The following APOLD1 variants were observed in gnomAD, a reference collection of about 807,000 sequenced individuals.
The protein encoded by APOLD1 is apolipoprotein L domain-containing protein 1.
A neutral mutation model predicts 15.3 loss-of-function variants in APOLD1; 22 were observed. The observed-to-expected ratio is 1.44, with a 90% CI of 1.03 to 2.05. The LOEUF is 2.05. APOLD1 is among the 30% of genes most tolerant of loss of function. APOLD1 has a pLI of 0.00. For synonymous variants in APOLD1, 190 were observed against 167.4 expected (o/e 1.13, Z -1.04); for missense variants, 394 against 353.5 (o/e 1.11, Z -0.92).
intron 1 of APOLD1, among the ~76,000 whole-genome samples, chr12:12,733,577 A>T (rs1946660183): frequency 6.6e-6 from 1 of 152,214 alleles, no homozygotes; most frequent in African/African-American, 2.4e-5. Context: ...GATTTTAACA[A>T]GGAAAAAACC....
intron 1 of APOLD1, among the ~76,000 whole-genome samples, chr12:12,743,131 C>A (rs1335842355): frequency 1.3e-5 from 2 of 152,174 alleles, no homozygotes; most frequent in Non-Finnish European, 2.9e-5. Flanking sequence ...AAGGGGAGAC[C>A]CAGCTTACTT....
chr12:12,731,270 C>T (rs1946639759), intron 1 of APOLD1, among the ~76,000 whole-genome samples: 1 of 152,218 alleles, frequency 6.6e-6, no homozygotes, highest in South Asian at 2.1e-4. Context: ...TTTTTAATTA[C>T]TGCTGATACT....
In APOLD1 at chr12:12,747,862, G is replaced by A. The variant is rs77154413; in HGVS notation, c.96+21766G>A. Among the ~76,000 whole-genome samples, 1,033 of 152,332 alleles carry A rather than the reference G, an allele frequency of 6.8e-3. 6 individuals are homozygous for A. Among genetic ancestry groups the A allele is most frequent in the Middle Eastern group, 0.031 (9 of 294 alleles). ...GGAGTGGTGAGGGATTGGCCTTGGC[G>A]CTGGGTCTTGTTCTTGGTATGTGTG... On this transcript the variant is annotated intron_variant, in intron 1 of 1. Coordinates refer to the APOLD1 transcript ENST00000326765.
chr12:12,742,923 C>T (rs978676522), intron 1 of APOLD1, among the ~76,000 whole-genome samples: 3 of 152,132 alleles, frequency 2.0e-5, no homozygotes, highest in African/African-American at 7.3e-5. Context: ...TGACACCACC[C>T]TGGCTAATTT....
At chr12:12,733,608 T>C (rs185278404) in intron 1 of APOLD1, among the ~76,000 whole-genome samples, 1 of 152,336 alleles carries the variant, frequency 6.6e-6, no homozygotes, top group East Asian at 1.9e-4. Context: ...TTCAATTTTT[T>C]TTCTTTTTTT....
At chr12:12,774,041 T>C (rs1319700133) in intron 1 of APOLD1, among the ~76,000 whole-genome samples, 1 of 152,148 alleles carries the variant, frequency 6.6e-6, no homozygotes, top group East Asian at 1.9e-4. Context: ...GTGATTACTT[T>C]TCAGATACAA....
chr12:12,728,870 G>C (rs1254817539), intron 1 of APOLD1, among the ~76,000 whole-genome samples: 2 of 151,992 alleles, frequency 1.3e-5, no homozygotes, highest in Non-Finnish European at 2.9e-5. Flanking sequence ...TCTAAGATTG[G>C]GTCTCTAGCA....
intron 1 of APOLD1, among the ~76,000 whole-genome samples, chr12:12,746,394 G>T (rs1366568400): frequency 6.6e-6 from 1 of 152,176 alleles, no homozygotes; most frequent in African/African-American, 2.4e-5. Context: ...TACTCAGGAG[G>T]CTGAGGCAGG....
intron 1 of APOLD1, among the ~76,000 whole-genome samples, chr12:12,731,733 T>A (rs1946642965): frequency 1.3e-5 from 2 of 152,230 alleles, no homozygotes; most frequent in African/African-American, 4.8e-5. Context: ...ATAGGGAAAT[T>A]GAGGCACTCA....
chr12:12,778,160 G>A (rs192662438), intron 1 of APOLD1, among the ~76,000 whole-genome samples: 64 of 151,864 alleles, frequency 4.2e-4, no homozygotes, highest in Middle Eastern at 3.4e-3. Context: ...CTTAAACTGA[G>A]CTCAAGCAGT....
chr12:12,748,959 T>C (rs886810813), intron 1 of APOLD1, among the ~76,000 whole-genome samples: 6 of 152,324 alleles, frequency 3.9e-5, no homozygotes, highest in Non-Finnish European at 5.9e-5. Context: ...CAGGAGAAAG[T>C]ACTCAGAGGG....
At chr12:12,776,195 A>G (rs1384339532) in intron 1 of APOLD1, among the ~76,000 whole-genome samples, 2 of 152,182 alleles carry the variant, frequency 1.3e-5, no homozygotes, top group African/African-American at 4.8e-5. Context: ...GAAAACAAGT[A>G]TCCAACATTC....
In APOLD1 at chr12:12,787,627, A is replaced by T. The variant is rs768943467; in HGVS notation, c.722A>T (p.Asp241Val). 2 of 1,604,440 alleles carry T rather than the reference A, an allele frequency of 1.2e-6. No homozygotes were observed. The highest frequency in any genetic ancestry group is 1.7e-6 in the Non-Finnish European group (2 of 1,177,990). ...GGCCACGACCTCAAGATCTCTGCTG[A>T]CCAGCGTGCAGGGCTGTTTTTCTGA... ...SRGHDLKISA[D>V]QRAGLFF The change falls in exon 2 of 2, where the codon GAC becomes GTC. Residue 241 changes from aspartate (D) to valine (V), a missense_variant. Coordinates refer to ENST00000356591, the MANE Select transcript of APOLD1 (RefSeq NM_030817.3). The surrounding 1 kb of genome is among the most constrained non-coding windows in gnomAD (Gnocchi z 4.9).
chr12:12,726,156 CAAA>C (rs745785485), intron 1 of APOLD1: 2,733 of 112,252 alleles, frequency 0.024, no homozygotes, highest in Middle Eastern at 0.056. Context: ...TCTTCGCAAC[CAAA>C]AAAAAAAAAA....
chr12:12,758,467 C>T (rs1946875046), intron 1 of APOLD1, among the ~76,000 whole-genome samples: 2 of 151,988 alleles, frequency 1.3e-5, no homozygotes, highest in Admixed American at 1.3e-4. Flanking sequence ...ATCGCTTGAA[C>T]CTGGGAGGCG....
chr12:12,763,409 A>G (rs563112232), intron 1 of APOLD1, among the ~76,000 whole-genome samples: 1 of 152,198 alleles, frequency 6.6e-6, no homozygotes, highest in East Asian at 1.9e-4. Context: ...AAAGTGTAGT[A>G]TTTGTGTATA....
intron 1 of APOLD1, among the ~76,000 whole-genome samples, chr12:12,759,257 T>C (rs750042319): frequency 2.6e-5 from 4 of 151,028 alleles, no homozygotes; most frequent in East Asian, 3.9e-4. Context: ...GCTATAGTTG[T>C]TTTTTTTAAA....
Position 12,787,082 on chromosome 12 carries a change from C to T in APOLD1, c.177C>T (p.Gly59=), listed in dbSNP as rs952699998. Residue 59 remains glycine, a synonymous_variant, in exon 2 of 2, where the codon GGC becomes GGT. Transcript: ENST00000356591. The surrounding 1 kb of genome is among the most constrained non-coding windows in gnomAD (Gnocchi z 4.9). ...RRRSLVANVA[G]SSLSATGALA... Reference sequence around the variant, plus strand: ...GCTCCCTCGTAGCCAACGTGGCCGGCAGCTCGCTGAGCGCAACGGGCGCCC... The same window carrying T: ...GCTCCCTCGTAGCCAACGTGGCCGGTAGCTCGCTGAGCGCAACGGGCGCCC... 4 of 1,396,090 alleles carry T rather than the reference C, an allele frequency of 2.9e-6. No individual in the cohort carries two copies. Among genetic ancestry groups the T allele is most frequent in the African/African-American group, 3.1e-5 (2 of 65,560 alleles). The allele number at this position is 1,396,090 out of a possible 1,614,324, so 86.5% of individuals were successfully genotyped here.
chr12:12,769,804 C>T (rs1946971890), intron 1 of APOLD1, among the ~76,000 whole-genome samples: 1 of 152,178 alleles, frequency 6.6e-6, no homozygotes, highest in Admixed American at 6.5e-5. Context: ...TGAGAAGCAC[C>T]TGTGAAGTTC....
Sources: gnomAD v4.1 joint callset for allele counts (sites outside exome capture counted in the v4.1 genomes callset) on GRCh38, gnomAD v4.1.1 for gene constraint, Gnocchi (gnomAD v3.1) non-coding constraint, MANE v1.5 for transcripts, NCBI Gene and HGNC (gene_info 2026-07-23, HGNC 2026-07-21) for gene names.